Variants in GALNT17 observed in about 807,000 individuals in gnomAD.
GALNT17 encodes the protein polypeptide N-acetylgalactosaminyltransferase 17.
GALNT17 carries 29 observed loss-of-function variants against 63.7 expected under a neutral mutation model. The ratio of observed to expected loss-of-function variants is 0.46; its 90% CI spans 0.34 to 0.62. The LOEUF is 0.62. Among genes scored for constraint, GALNT17 ranks in the 20% least tolerant of loss-of-function variants. The pLI, the probability that GALNT17 is intolerant of heterozygous loss-of-function variation, is 0.01. For synonymous variants in GALNT17, 305 were observed against 318.3 expected (o/e 0.96, Z 0.45); for missense variants, 603 against 799.6 (o/e 0.75, Z 2.97).
At position 71,335,585 on chromosome 7, in the gene GALNT17, G is replaced by C; in HGVS notation, c.274G>C (p.Gly92Arg). The part of the protein sequence containing the change: ...SKSLGLIEGY[G>R]GRGKGGLPAT... ...ATCCCTTGGGCTCATTGAAGGTTAT[G>C]GTGGGCGGGGTAAAGGGGGCCTTCC... The change falls in exon 2 of 11, where the codon GGT (glycine) becomes CGT (arginine). Residue 92 changes from glycine (G) to arginine (R), a missense_variant. Coordinates refer to ENST00000333538, the MANE Select transcript of GALNT17 (RefSeq NM_022479.3). The C allele has an allele frequency of 1.9e-6, 3 of 1,609,984 alleles. No individual in the cohort carries two copies. The highest frequency in any genetic ancestry group is 2.5e-6 in the Non-Finnish European group (3 of 1,178,246).
intron 5 of GALNT17, among the ~76,000 whole-genome samples, chr7:71,448,380 G>T (rs955054435): frequency 2.0e-5 from 3 of 147,400 alleles, no homozygotes; most frequent in Admixed American, 1.3e-4. Flanking sequence ...TGTGTGTGTG[G>T]TCTCTATTTT....
intron 1 of GALNT17, among the ~76,000 whole-genome samples, chr7:71,260,823 C>T (rs577009820): frequency 2.6e-5 from 4 of 152,092 alleles, no homozygotes; most frequent in African/African-American, 7.2e-5. Flanking sequence ...AGGCTGGCCT[C>T]GAACTCCTGG....
intron 1 of GALNT17, among the ~76,000 whole-genome samples, chr7:71,322,038 A>G (rs1369600838): frequency 1.3e-5 from 2 of 149,214 alleles, no homozygotes; most frequent in Admixed American, 6.8e-5. Context: ...TGCAGCCTCA[A>G]CCTCCTGAGC....
At chr7:71,363,899 G>C (rs1276743519) in intron 2 of GALNT17, among the ~76,000 whole-genome samples, 2 of 152,312 alleles carry the variant, frequency 1.3e-5, no homozygotes, top group East Asian at 1.9e-4. Context: ...ATTGGCACAA[G>C]AATAGGTGAC....
chr7:71,275,945 C>T (rs1020679121), intron 1 of GALNT17, among the ~76,000 whole-genome samples: 1 of 152,198 alleles, frequency 6.6e-6, no homozygotes, highest in Admixed American at 6.5e-5. Context: ...CAATCCACAA[C>T]CACCAGCTCC....
intron 1 of GALNT17, among the ~76,000 whole-genome samples, chr7:71,315,719 C>G (rs12534549): frequency 6.6e-6 from 1 of 151,924 alleles, no homozygotes; most frequent in African/African-American, 2.4e-5. Context: ...GAGGTTCTTC[C>G]GCAAGAGTTG....
In GALNT17 at chr7:71,378,820, C is replaced by CA. The variant is rs1214924838; in HGVS notation, c.423-9405dup. Reference sequence around the variant, plus strand: ...GCAACACACTGAGACCCCATCTCTACAAAAAAAAAATAAATAAATAAATAA... The same window carrying CA: ...GCAACACACTGAGACCCCATCTCTACAAAAAAAAAAATAAATAAATAAATAA... On this transcript the variant is annotated intron_variant, in intron 2 of 10. Transcript: ENST00000333538. Among the ~76,000 whole-genome samples the CA allele has an allele frequency of 9.5e-4, 138 of 144,856 alleles. No homozygotes were observed. The East Asian group carries it at 0.014, about 14-fold the overall frequency.
At chr7:71,176,684 G>A (rs1788644845) in intron 1 of GALNT17, among the ~76,000 whole-genome samples, 1 of 152,138 alleles carries the variant, frequency 6.6e-6, no homozygotes, top group Non-Finnish European at 1.5e-5. Flanking sequence ...GGGTTTGCTA[G>A]CCTCCCTGGG....
chr7:71,495,815 A>G (rs1788084916), intron 5 of GALNT17, among the ~76,000 whole-genome samples: 1 of 152,200 alleles, frequency 6.6e-6, no homozygotes, highest in African/African-American at 2.4e-5. Flanking sequence ...AGGGAATTGC[A>G]GGGTAGGGAA....
chr7:71,289,290 T>G (rs1365646392), intron 1 of GALNT17, among the ~76,000 whole-genome samples: 2 of 152,100 alleles, frequency 1.3e-5, no homozygotes, highest in Non-Finnish European at 2.9e-5. Context: ...ATAATTGAAT[T>G]AAAATATTCT....
chr7:71,262,527 C>T (rs1790403625), intron 1 of GALNT17, among the ~76,000 whole-genome samples: 1 of 152,044 alleles, frequency 6.6e-6, no homozygotes, highest in Non-Finnish European at 1.5e-5. Flanking sequence ...TCCCCAAATT[C>T]CTATGTTAAA....
At chr7:71,289,006 C>G (rs760965713) in intron 1 of GALNT17, among the ~76,000 whole-genome samples, 4 of 152,112 alleles carry the variant, frequency 2.6e-5, no homozygotes, top group Non-Finnish European at 5.9e-5. Context: ...GACGACAGGT[C>G]CAGGGTCAAA....
At chr7:71,600,035 T>C (rs987190588) in intron 6 of GALNT17, among the ~76,000 whole-genome samples, 1 of 151,698 alleles carries the variant, frequency 6.6e-6, no homozygotes, top group African/African-American at 2.4e-5. Context: ...GAGGACAAAG[T>C]CATCCTTGCT....
Position 71,301,497 on chromosome 7 carries a change from T to A in GALNT17, c.239-34053T>A, listed in dbSNP as rs927518588. ...TTACTTTTTTAAAAGTAATTATTGA[T>A]AGAGAGGGATTTACTTTTGCCATTG... On this transcript the variant is annotated intron_variant, in intron 1 of 10. Transcript: ENST00000333538. Among the ~76,000 whole-genome samples, 32 of 150,742 alleles carry A rather than the reference T, an allele frequency of 2.1e-4. 1 individual carries two copies. The highest frequency in any genetic ancestry group is 2.0e-3 in the Admixed American group (30 of 15,076).
At chr7:71,513,223 TC>T (rs2116731027) in intron 5 of GALNT17, among the ~76,000 whole-genome samples, 1 of 152,200 alleles carries the variant, frequency 6.6e-6, no homozygotes, top group African/African-American at 2.4e-5. Context: ...TCTTTATTAG[TC>T]TGTGAGAACA....
chr7:71,377,114 A>AAAAAAAAAATATATATATATAT, intron 2 of GALNT17, among the ~76,000 whole-genome samples: 5 of 57,468 alleles, frequency 8.7e-5, no homozygotes, highest in African/African-American at 1.9e-4. Context: ...AAATAAAAAA[A>AAAAAAAAAATATATATATATAT]ATATATATAT....
At chr7:71,317,248 A>C (rs1007891741) in intron 1 of GALNT17, among the ~76,000 whole-genome samples, 1 of 152,230 alleles carries the variant, frequency 6.6e-6, no homozygotes, top group Admixed American at 6.5e-5. Flanking sequence ...GTGATGGAAT[A>C]GTGAAGATTG....
Position 71,133,786 on chromosome 7 carries a change from CA to C in GALNT17, c.238+747del, listed in dbSNP as rs1787732294. Among the ~76,000 whole-genome samples the C allele has an allele frequency of 2.0e-5, 3 of 152,272 alleles. No individual in the cohort carries two copies. The South Asian group carries it at 6.2e-4, about 32-fold the overall frequency. ...AGGGAGACTTTTTATGTGCTCTTGT[CA>C]CACCTGGGCCAGGTCATTGGACACT... On this transcript the variant is annotated intron_variant, in intron 1 of 10. Coordinates refer to ENST00000333538, the MANE Select transcript of GALNT17 (RefSeq NM_022479.3).
chr7:71,574,358 C>A (rs1165094456), intron 6 of GALNT17, among the ~76,000 whole-genome samples: 1 of 152,146 alleles, frequency 6.6e-6, no homozygotes, highest in Non-Finnish European at 1.5e-5. Context: ...TCAGCTCCCC[C>A]ACTGCTCAGG....
Sources: gnomAD v4.1 joint callset for allele counts (sites outside exome capture counted in the v4.1 genomes callset) on GRCh38, gnomAD v4.1.1 for gene constraint, MANE v1.5 for transcripts, NCBI Gene and HGNC (gene_info 2026-07-23, HGNC 2026-07-21) for gene names.